Variants in PALB2 observed in about 807,000 individuals in gnomAD.
The protein encoded by PALB2 is partner and localizer of BRCA2, also known as mutant partner and localizer of BRCA2.
In PALB2, 82 loss-of-function variants were observed where a neutral mutation model predicts 107.4. The observed-to-expected ratio is 0.76, with a 90% CI of 0.64 to 0.92. The LOEUF (loss-of-function observed/expected upper bound fraction) is 0.92. PALB2 is among the 40% of genes least tolerant of loss of function. PALB2 has a pLI of 0.00. For synonymous variants in PALB2, 489 were observed against 496.8 expected, an observed-to-expected ratio of 0.98 and a Z score of 0.21; for missense variants, 1,374 against 1,379.9, an observed-to-expected ratio of 1.00 and a Z score of 0.07.
rs778573607 is a variant in PALB2, at chr16:23,636,242, C to T, written c.304G>A (p.Val102Ile). ...TGEKTSITLD[V>I]GPESFNPGDG... ...CCAGGGTTAAAGGACTCAGGCCCAA[C>T]ATCAAGTGTGATAGATGTCTTTTCT... Residue 102 changes from valine (V) to isoleucine (I), a missense_variant, in exon 4 of 13, where the codon GTT (valine) becomes ATT (isoleucine). By Grantham distance (29) the Val-to-Ile change is conservative. Transcript: ENST00000261584. 10 of 1,613,914 alleles carry T rather than the reference C, an allele frequency of 6.2e-6. No individual in the cohort carries two copies. The Admixed American group carries it at 1.5e-4, about 24-fold the overall frequency.
At chr16:23,638,177 G>C (rs2142461838) in intron 1 of PALB2, 48 bp from the exon 2 acceptor site, 1 of 1,512,762 alleles carries the variant, frequency 6.6e-7, no homozygotes, top group South Asian at 1.1e-5. Context: ...GAAAGGTGGA[G>C]TCAGAGGGAA....
Position 23,621,342 on chromosome 16 carries a change from G to A in PALB2, c.3113+20C>T. ...TCATACTACAGATGAGGGAACTGAG[G>A]ACCTAGAGGGAAAGCTTACCAAATA... is the stretch of plus-strand genomic sequence containing the variant. On this transcript the variant is annotated intron_variant, in intron 10 of 12. Transcript: ENST00000261584. 6.7e-7 allele frequency: 1 copy of A among 1,488,544 alleles called. No homozygotes were observed. The highest frequency in any genetic ancestry group is 9.4e-7 in the Non-Finnish European group (1 of 1,065,840). The allele number at this position is 1,488,544 out of a possible 1,614,324, so 92.2% of individuals were successfully genotyped here. A position where few individuals can be genotyped will look rare whatever the true frequency, so the allele number is the denominator to read the frequency against.
intron 10 of PALB2, among the ~76,000 whole-genome samples, chr16:23,617,094 C>T (rs1158212915): frequency 1.3e-5 from 2 of 152,122 alleles, no homozygotes; most frequent in Non-Finnish European, 2.9e-5. Context: ...GGATTACAGG[C>T]GTGAGCCACC....
At chr16:23,625,199 G>C (rs1385007790) in intron 7 of PALB2, among the ~76,000 whole-genome samples, 1 of 151,908 alleles carries the variant, frequency 6.6e-6, no homozygotes, top group Non-Finnish European at 1.5e-5. Flanking sequence ...TGGGCGTGGT[G>C]GTGGGCGCCT....
At chr16:23,638,954 GC>G (rs555399202) in intron 1 of PALB2, among the ~76,000 whole-genome samples, 295 of 152,276 alleles carry the variant, frequency 1.9e-3, no homozygotes, top group African/African-American at 6.7e-3. Flanking sequence ...CACGCAGAAG[GC>G]CAGTGAGGTT....
Position 23,629,314 on chromosome 16 carries a change from T to C in PALB2, c.2515-39A>G, listed in dbSNP as rs372998520. ...AGTCACATCATTAGTCTACACTTTA[T>C]GTATAATGTCTGCCTGCATTACCCA... On this transcript the variant is annotated intron_variant, in intron 5 of 12. Coordinates refer to ENST00000261584, the MANE Select transcript of PALB2 (RefSeq NM_024675.4). 1.1e-4 allele frequency: 165 copies of C among 1,542,496 alleles called. No individual in the cohort carries two copies. The highest frequency in any genetic ancestry group is 5.0e-4 in the Middle Eastern group (3 of 5,958).
chr16:23,609,666 C>T (rs1465083991), intron 11 of PALB2, among the ~76,000 whole-genome samples: 6 of 152,066 alleles, frequency 3.9e-5, no homozygotes, highest in South Asian at 4.2e-4. Flanking sequence ...TACAGGCGCC[C>T]GCCACCACGC....
Position 23,637,867 on chromosome 16 carries a change from G to A in PALB2, c.194C>T (p.Pro65Leu), listed in dbSNP as rs62625272. The change falls in exon 3 of 13, where the codon CCG becomes CTG. Residue 65 changes from proline to leucine, a missense_variant. Physicochemically the swap from Pro to Leu is moderately conservative, Grantham distance 98. Coordinates refer to ENST00000261584, the MANE Select transcript of PALB2 (RefSeq NM_024675.4). Reference protein sequence around the residue: ...QDCLSQQDLSPQLKHSEPKNK... With the variant: ...QDCLSQQDLSLQLKHSEPKNK... ...AGATTTACCTGAGTGTTTTAGCTGC[G>A]GTGAGAGATCCTGCTGAGACAAACA... 93 of 1,612,258 alleles carry A rather than the reference G, an allele frequency of 5.8e-5. No individual in the cohort carries two copies. The highest frequency in any genetic ancestry group is 7.2e-5 in the Non-Finnish European group (85 of 1,178,446).
In PALB2 at chr16:23,636,010, T is replaced by C. The variant is rs2142440967; in HGVS notation, c.536A>G (p.Gln179Arg). 1 of 1,614,216 alleles carries C rather than the reference T, an allele frequency of 6.2e-7. No homozygotes were observed. Among genetic ancestry groups the C allele is most frequent in the Non-Finnish European group, 8.5e-7 (1 of 1,180,048 alleles). ...LRLSGKRLKE[Q>R]EEISSKNPAR... Reference sequence around the variant, plus strand: ...AGGATTTTTGCTACTGATTTCTTCCTGTTCCTTTAGTCTTTTCCCAGACAA... The same window carrying C: ...AGGATTTTTGCTACTGATTTCTTCCCGTTCCTTTAGTCTTTTCCCAGACAA... The change falls in exon 4 of 13, where the codon CAG (glutamine) becomes CGG (arginine). Residue 179 changes from glutamine to arginine, a missense_variant. Transcript: ENST00000261584.
intron 4 of PALB2, among the ~76,000 whole-genome samples, chr16:23,632,770 G>A (rs1296115186): frequency 6.6e-6 from 1 of 152,188 alleles, no homozygotes; most frequent in East Asian, 1.9e-4. Flanking sequence ...TTTAAATGTA[G>A]CTGCAGTTTA....
At chr16:23,627,268 A>G (rs1477239324) in intron 6 of PALB2, among the ~76,000 whole-genome samples, 1 of 151,486 alleles carries the variant, frequency 6.6e-6, no homozygotes, top group East Asian at 2.0e-4. Flanking sequence ...CGGGTGGATC[A>G]TGAGGTCAGG....
At chr16:23,636,764 C>T (rs1372673727) in intron 3 of PALB2, among the ~76,000 whole-genome samples, 3 of 152,130 alleles carry the variant, frequency 2.0e-5, no homozygotes. Flanking sequence ...TAAATCTCAA[C>T]TAGTTTTCTA....
rs150853005 is a variant in PALB2 at position 23,611,458 on chromosome 16, T to C, written c.3201+2546A>G. ...ACCATGCCCAGCCTAGTTATTATTA[T>C]TATTATTATTTTTTTTTGAGATGGA... On this transcript the variant is annotated intron_variant, in intron 11 of 12. Coordinates refer to ENST00000261584, the MANE Select transcript of PALB2 (RefSeq NM_024675.4). Among the ~76,000 whole-genome samples, 1,383 of 146,946 alleles carry C rather than the reference T, an allele frequency of 9.4e-3. 22 individuals carry two copies. The highest frequency in any genetic ancestry group is 0.034 in the African/African-American group (1,320 of 39,004).
At chr16:23,604,966 A>C (rs1966440918) in intron 12 of PALB2, among the ~76,000 whole-genome samples, 1 of 151,214 alleles carries the variant, frequency 6.6e-6, no homozygotes, top group East Asian at 1.9e-4. Context: ...CCCAGCTACT[A>C]GGGGGGCTGA....
Position 23,629,286 on chromosome 16 carries a change from A to G in PALB2, c.2515-11T>C, listed in dbSNP as rs780521904. The G allele has an allele frequency of 1.2e-5, 19 of 1,610,350 alleles. No homozygotes were observed. The highest frequency in any genetic ancestry group is 1.5e-5 in the Non-Finnish European group (18 of 1,177,516). On this transcript the variant is annotated splice_polypyrimidine_tract_variant and intron_variant, in intron 5 of 12. Coordinates refer to ENST00000261584, the MANE Select transcript of PALB2 (RefSeq NM_024675.4). ...CTCTGCTGTTTCAGTCTGTGAAAAC[A>G]AAAGTCACATCATTAGTCTACACTT...
At chr16:23,618,045 T>G (rs1966714232) in intron 10 of PALB2, among the ~76,000 whole-genome samples, 1 of 152,040 alleles carries the variant, frequency 6.6e-6, no homozygotes, top group Non-Finnish European at 1.5e-5. Flanking sequence ...ACATCTGTGG[T>G]CTCGGCACTT....
Position 23,635,092 on chromosome 16 carries a change from G to A in PALB2, c.1454C>T (p.Thr485Ile), listed in dbSNP as rs786202699. 8 of 1,614,178 alleles carry A rather than the reference G, an allele frequency of 5.0e-6. No homozygotes were observed. The highest frequency in any genetic ancestry group is 6.8e-6 in the Non-Finnish European group (8 of 1,180,030). Reference sequence around the variant, plus strand: ...GGGCCCAGCGGGAGAGCTGACTTTAGTTAATGAGAGAAGTTTCTGAGAGGT... The same window carrying A: ...GGGCCCAGCGGGAGAGCTGACTTTAATTAATGAGAGAAGTTTCTGAGAGGT... ...SRTSQKLLSL[T>I]KVSSPAGPTE... Residue 485 changes from threonine to isoleucine, a missense_variant, in exon 4 of 13, where the codon ACT becomes ATT. By Grantham distance (89) the Thr-to-Ile change is moderately conservative. Coordinates refer to ENST00000261584, the MANE Select transcript of PALB2 (RefSeq NM_024675.4).
rs781016752 is a variant in PALB2, at chr16:23,630,512, C to T, written c.1685-43G>A. 151 of 1,432,414 alleles carry T rather than the reference C, an allele frequency of 1.1e-4. No individual in the cohort carries two copies. Among genetic ancestry groups the T allele is most frequent in the Non-Finnish European group, 1.4e-4 (147 of 1,032,670 alleles). The allele number at this position is 1,432,414 out of a possible 1,614,324, so 88.7% of individuals were successfully genotyped here. On this transcript the variant is annotated intron_variant, in intron 4 of 12. Coordinates refer to ENST00000261584, the MANE Select transcript of PALB2 (RefSeq NM_024675.4). Reference sequence around the variant, plus strand: ...GTCACAAAATAGTAACAAAACCCAACAAAACAGACAATCTGTTTCACTGAT... The same window carrying T: ...GTCACAAAATAGTAACAAAACCCAATAAAACAGACAATCTGTTTCACTGAT...
chr16:23,613,944 G>A, intron 11 of PALB2, 60 bp downstream of exon 11: 3 of 1,265,278 alleles, frequency 2.4e-6, no homozygotes, highest in East Asian at 4.7e-5. Flanking sequence ...ATGACTTACT[G>A]CTCTCACTTA....
Sources: gnomAD v4.1 joint callset for allele counts (sites outside exome capture counted in the v4.1 genomes callset) on GRCh38, gnomAD v4.1.1 for gene constraint, MANE v1.5 for transcripts, NCBI Gene and HGNC (gene_info 2026-07-23, HGNC 2026-07-21) for gene names.